The following FAM227B variants were observed in gnomAD, a reference collection of about 807,000 sequenced individuals.
FAM227B encodes the protein family with sequence similarity 227 member B, also known as protein FAM227B.
In FAM227B, 88 loss-of-function variants were observed where a neutral mutation model predicts 73.8. The ratio of observed to expected loss-of-function variants is 1.19; its 90% CI spans 1.00 to 1.42. The LOEUF is 1.42. Ranked by LOEUF, FAM227B falls within the 40% of genes most tolerant of loss-of-function variation. FAM227B has a pLI of 0.00. For missense variants in FAM227B, 632 were observed against 590.9 expected, an observed-to-expected ratio of 1.07 and a Z score of -0.72; for synonymous variants, 210 against 190.5, an observed-to-expected ratio of 1.10 and a Z score of -0.84.
chr15:49,456,355 C>A (rs915165668), intron 11 of FAM227B, among the ~76,000 whole-genome samples: 1 of 152,056 alleles, frequency 6.6e-6, no homozygotes, highest in Non-Finnish European at 1.5e-5. Flanking sequence ...GGGAAAGCAG[C>A]TGGACAGTGT....
At chr15:49,500,161 T>C (rs1177731266) in intron 11 of FAM227B, among the ~76,000 whole-genome samples, 1 of 152,208 alleles carries the variant, frequency 6.6e-6, no homozygotes, top group Non-Finnish European at 1.5e-5. Context: ...ATTATGATCA[T>C]GGCACTGTAT....
At chr15:49,447,999 T>C (rs1177715486) in intron 11 of FAM227B, among the ~76,000 whole-genome samples, 1 of 151,696 alleles carries the variant, frequency 6.6e-6, no homozygotes, top group East Asian at 1.9e-4. Flanking sequence ...GCTCCAGATA[T>C]CTTTTGATTT....
At chr15:49,433,272 G>A (rs1401918836) in intron 11 of FAM227B, among the ~76,000 whole-genome samples, 1 of 151,302 alleles carries the variant, frequency 6.6e-6, no homozygotes, top group African/African-American at 2.4e-5. Context: ...GATTCTTTCT[G>A]TTTGCATTTG....
chr15:49,410,785 C>T (rs1469741149), intron 11 of FAM227B, among the ~76,000 whole-genome samples: 1 of 151,930 alleles, frequency 6.6e-6, no homozygotes, highest in East Asian at 1.9e-4. Context: ...TTTGAGAATT[C>T]TTTGACTTCT....
chr15:49,360,914 C>CA (rs2044109745), intron 13 of FAM227B, among the ~76,000 whole-genome samples: 1 of 152,094 alleles, frequency 6.6e-6, no homozygotes. Context: ...TACATACCTC[C>CA]AGTCTACTCA....
intron 11 of FAM227B, among the ~76,000 whole-genome samples, chr15:49,432,577 G>C (rs1034571648): frequency 5.7e-4 from 86 of 151,588 alleles, no homozygotes; most frequent in African/African-American, 2.0e-3. Flanking sequence ...GAGAGCTATT[G>C]TCTAAGGATC....
chr15:49,394,540 TA>T (rs974272798), intron 11 of FAM227B, among the ~76,000 whole-genome samples: 1 of 152,204 alleles, frequency 6.6e-6, no homozygotes, highest in African/African-American at 2.4e-5. Flanking sequence ...TTGAGTTATA[TA>T]ATTATGAATT....
chr15:49,515,463 T>A (rs1323741487), intron 10 of FAM227B, among the ~76,000 whole-genome samples: 1 of 152,216 alleles, frequency 6.6e-6, no homozygotes, highest in African/African-American at 2.4e-5. Context: ...AAACTGATTC[T>A]GTTGATTGCT....
chr15:49,577,531 C>G, intron 6 of FAM227B, 98 bp downstream of exon 6: 1 of 677,322 alleles, frequency 1.5e-6, no homozygotes, highest in East Asian at 2.8e-5. Flanking sequence ...TGGTACCTCT[C>G]TCTATATTTA....
intron 5 of FAM227B, among the ~76,000 whole-genome samples, chr15:49,582,712 T>C (rs1256506845): frequency 6.6e-6 from 1 of 152,158 alleles, no homozygotes; most frequent in African/African-American, 2.4e-5. Flanking sequence ...ACTCTAAACT[T>C]GATCACATAA....
chr15:49,354,941 C>T (rs1006424975), intron 13 of FAM227B, among the ~76,000 whole-genome samples: 10 of 151,680 alleles, frequency 6.6e-5, no homozygotes, highest in South Asian at 2.1e-4. Flanking sequence ...CCCTGACCCT[C>T]GAGCAGCCTA....
At chr15:49,509,272 G>C (rs1464061259) in intron 10 of FAM227B, among the ~76,000 whole-genome samples, 1 of 152,068 alleles carries the variant, frequency 6.6e-6, no homozygotes, top group Non-Finnish European at 1.5e-5. Context: ...CATGCTCATG[G>C]GCAAGTTGCC....
chr15:49,339,811 A>G (rs1469034803), intron 13 of FAM227B, among the ~76,000 whole-genome samples: 1 of 151,958 alleles, frequency 6.6e-6, no homozygotes, highest in East Asian at 1.9e-4. Context: ...TTTTTTTCAG[A>G]GATGCCCTGC....
At chr15:49,574,075 TA>T (rs533304333) in intron 8 of FAM227B, among the ~76,000 whole-genome samples, 1 of 151,544 alleles carries the variant, frequency 6.6e-6, no homozygotes, top group African/African-American at 2.4e-5. Context: ...TATGATGGAT[TA>T]AAAAAAAACT....
intron 10 of FAM227B, among the ~76,000 whole-genome samples, chr15:49,508,648 A>G (rs2058754592): frequency 6.6e-6 from 1 of 152,126 alleles, no homozygotes; most frequent in Non-Finnish European, 1.5e-5. Context: ...TATGTTAACA[A>G]TAATTATGAC....
Position 49,328,609 on chromosome 15 carries a change from ATGG to A in FAM227B, c.1483_1485del (p.Pro495del). 6.3e-7 allele frequency: 1 copy of A among 1,592,296 alleles called. No individual in the cohort carries two copies. The highest frequency in any genetic ancestry group is 8.6e-7 in the Non-Finnish European group (1 of 1,165,958). On this transcript the variant is annotated inframe_deletion, in exon 16 of 16. Coordinates refer to ENST00000299338, the MANE Select transcript of FAM227B (RefSeq NM_152647.3). ...TCAAAGTTGTAGTTGTCTGTTGATG[ATGG>A]TGATGATGATGATGATGACGATAGT...
Position 49,417,055 on chromosome 15 carries a change from GA to G in FAM227B, c.1013-45657del, listed in dbSNP as rs1233905580. ...AGAAAACTAGTTTAAAATTCATATG[GA>G]ACCATAAAAGAGCCTGAAGATCCAA... On this transcript the variant is annotated intron_variant, in intron 11 of 15. Coordinates refer to ENST00000299338, the MANE Select transcript of FAM227B (RefSeq NM_152647.3). 3.3e-5 allele frequency among the ~76,000 whole-genome samples: 5 copies of G among 152,020 alleles called. No individual in the cohort carries two copies. In the East Asian group the frequency reaches 7.7e-4, roughly 23 times the overall value.
intron 11 of FAM227B, among the ~76,000 whole-genome samples, chr15:49,501,725 A>C (rs945634812): frequency 6.6e-5 from 10 of 152,250 alleles, no homozygotes; most frequent in Admixed American, 5.9e-4. Context: ...GCATAACAAA[A>C]GGGAGCCAAG....
At chr15:49,520,537 G>A (rs1207613523) in intron 10 of FAM227B, among the ~76,000 whole-genome samples, 3 of 152,122 alleles carry the variant, frequency 2.0e-5, no homozygotes, top group Non-Finnish European at 4.4e-5. Context: ...AAAAGGAGGT[G>A]TAATTAAACT....
Sources: allele counts gnomAD v4.1 joint callset (sites outside exome capture counted in the v4.1 genomes callset), GRCh38; gene constraint gnomAD v4.1.1; transcripts MANE v1.5; gene names NCBI Gene and HGNC (gene_info 2026-07-23, HGNC 2026-07-21).